Variants in PTBP3 observed in about 807,000 individuals in gnomAD.
PTBP3 encodes polypyrimidine tract-binding protein 3.
A neutral mutation model predicts 58.7 loss-of-function variants in PTBP3; 20 were observed. The ratio of observed to expected loss-of-function variants is 0.34; its 90% confidence interval spans 0.24 to 0.50. The LOEUF is 0.50. Ranked by LOEUF, PTBP3 falls within the 20% of genes least tolerant of loss-of-function variation. The pLI is 0.98. For synonymous variants in PTBP3, 185 were observed against 219.8 expected (o/e 0.84, Z 1.40); for missense variants, 509 against 637.2 (o/e 0.80, Z 2.17).
intron 7 of PTBP3, among the ~76,000 whole-genome samples, chr9:112,239,558 C>T (rs576085908): frequency 4.6e-5 from 7 of 151,754 alleles, no homozygotes; most frequent in African/African-American, 9.7e-5. Flanking sequence ...AGTGAGACCC[C>T]GCCTCTCTAT....
chr9:112,257,712 G>C (rs1836428570), intron 5 of PTBP3, among the ~76,000 whole-genome samples: 1 of 152,114 alleles, frequency 6.6e-6, no homozygotes, highest in Admixed American at 6.5e-5. Context: ...GGCCAAGGTG[G>C]GCAGATCACC....
chr9:112,373,943 T>C, the PTBP3 span, among the ~76,000 whole-genome samples: 2 of 152,222 alleles, frequency 1.3e-5, no homozygotes, highest in Admixed American at 1.3e-4. Context: ...CCATTCTGTA[T>C]TCCCTTTGCC....
chr9:112,240,895 A>G (rs1589811717), intron 7 of PTBP3, among the ~76,000 whole-genome samples: 1 of 152,056 alleles, frequency 6.6e-6, no homozygotes, highest in East Asian at 1.9e-4. Flanking sequence ...AGTTGAAAAA[A>G]GTTTAATAGA....
chr9:112,226,005 C>T (rs778530934), intron 12 of PTBP3, among the ~76,000 whole-genome samples: 6 of 152,110 alleles, frequency 3.9e-5, no homozygotes, highest in Non-Finnish European at 8.8e-5. Context: ...GATCACACCA[C>T]TGCACTACAG....
intron 4 of PTBP3, among the ~76,000 whole-genome samples, chr9:112,266,359 A>G (rs965269502): frequency 6.6e-6 from 1 of 152,258 alleles, no homozygotes; most frequent in South Asian, 2.1e-4. Flanking sequence ...AAAGTAAAAC[A>G]TAAGATATTA....
At chr9:112,288,067 T>C (rs1307085913) in intron 2 of PTBP3, among the ~76,000 whole-genome samples, 1 of 152,230 alleles carries the variant, frequency 6.6e-6, no homozygotes, top group Non-Finnish European at 1.5e-5. Context: ...TAGAAAAACA[T>C]AAGTTACTTT....
the PTBP3 span, among the ~76,000 whole-genome samples, chr9:112,359,409 G>A: frequency 6.6e-6 from 1 of 152,240 alleles, no homozygotes; most frequent in Non-Finnish European, 1.5e-5. Context: ...TCGCGCCACT[G>A]CACTCCAGCC....
intron 3 of PTBP3, among the ~76,000 whole-genome samples, chr9:112,270,825 G>A (rs1827352999): frequency 6.6e-6 from 1 of 152,046 alleles, no homozygotes; most frequent in South Asian, 2.1e-4. Flanking sequence ...TTTTGTATTT[G>A]TTTGTTTTTT....
chr9:112,245,920 T>C (rs1314791538), intron 7 of PTBP3, among the ~76,000 whole-genome samples: 1 of 152,102 alleles, frequency 6.6e-6, no homozygotes, highest in African/African-American at 2.4e-5. Flanking sequence ...AAAGTGATGA[T>C]AAGAAACCTC....
chr9:112,374,127 T>C, the PTBP3 span, among the ~76,000 whole-genome samples: 2 of 152,174 alleles, frequency 1.3e-5, no homozygotes, highest in Admixed American at 1.3e-4. Flanking sequence ...GGATCTCCTG[T>C]GAATACTGTG....
intron 6 of PTBP3, among the ~76,000 whole-genome samples, chr9:112,251,343 G>A (rs1209087719): frequency 6.6e-6 from 1 of 152,042 alleles, no homozygotes; most frequent in Non-Finnish European, 1.5e-5. Flanking sequence ...TCTTGTCTGT[G>A]GTAAGATCAA....
Position 112,232,202 on chromosome 9 carries a change from G to A in PTBP3, c.917C>T (p.Pro306Leu). ...GACAGCAGAAGAGGTGATTGTGAGA[G>A]GACCAAGAGCTCCAGGAACAGCTGG... is the stretch of plus-strand genomic sequence containing the variant. ...SVPAVPGALG[P>L]LTITSSAVTG... Residue 306 changes from proline (P) to leucine (L), a missense_variant, in exon 9 of 14, where the codon CCT becomes CTT. Physicochemically the swap from Pro to Leu is moderately conservative, Grantham distance 98 (BLOSUM62 -3). Around this residue, in one of 4 missense-constraint regions of PTBP3, gnomAD observed 121 missense variants for 114.8 expected, o/e 1.05. Transcript: ENST00000374257. The A allele has an allele frequency of 6.2e-7, 1 of 1,611,256 alleles. No individual in the cohort carries two copies. The highest frequency in any genetic ancestry group is 1.7e-5 in the Admixed American group (1 of 59,924).
Position 112,251,123 on chromosome 9 carries a change from G to T in PTBP3, c.628-20C>A. 1 of 1,526,102 alleles carries T rather than the reference G, an allele frequency of 6.6e-7. No homozygotes were observed. Among genetic ancestry groups the T allele is most frequent in the South Asian group, 1.3e-5 (1 of 76,442 alleles). The allele number at this position is 1,526,102 out of a possible 1,614,324, so 94.5% of individuals were successfully genotyped here. On this transcript the variant is annotated intron_variant, in intron 6 of 13. Transcript: ENST00000374257. ...CAGAGCCTAAAGCATGTAAGAAAGG[G>T]ACTGGTTTTGGCAAGACAACAACAC...
At chr9:112,243,131 T>TAAAA (rs34908344) in intron 7 of PTBP3, among the ~76,000 whole-genome samples, 49 of 140,562 alleles carry the variant, frequency 3.5e-4, no homozygotes, top group East Asian at 1.0e-3. Context: ...TCTTACAGCT[T>TAAAA]AAAAAAAAAA....
chr9:112,320,314 A>ATAT, intron 1 of PTBP3, among the ~76,000 whole-genome samples: 3 of 75,694 alleles, frequency 4.0e-5, no homozygotes, highest in East Asian at 6.2e-4. Flanking sequence ...ATATATATAT[A>ATAT]TTTTTTTTTA....
intron 2 of PTBP3, among the ~76,000 whole-genome samples, chr9:112,296,351 C>T (rs1307228245): frequency 6.6e-6 from 1 of 151,866 alleles, no homozygotes; most frequent in Non-Finnish European, 1.5e-5. Context: ...ATCCTGTATG[C>T]TTTAACGCTT....
chr9:112,245,925 A>C (rs1425171392), intron 7 of PTBP3, among the ~76,000 whole-genome samples: 1 of 152,184 alleles, frequency 6.6e-6, no homozygotes, highest in African/African-American at 2.4e-5. Flanking sequence ...GATGATAAGA[A>C]ACCTCATCCT....
intron 4 of PTBP3, among the ~76,000 whole-genome samples, chr9:112,264,465 A>ATT (rs1836718980): frequency 6.6e-6 from 1 of 152,228 alleles, no homozygotes; most frequent in South Asian, 2.1e-4. Flanking sequence ...AACACTTAAT[A>ATT]TTCACCTGAC....
intron 1 of PTBP3, among the ~76,000 whole-genome samples, chr9:112,329,326 T>G (rs888906530): frequency 6.6e-6 from 1 of 151,838 alleles, no homozygotes; most frequent in Non-Finnish European, 1.5e-5. Context: ...GGCAGAAGAA[T>G]CACTTGAACC....
Sources: gnomAD v4.1 joint callset for allele counts (sites outside exome capture counted in the v4.1 genomes callset) on GRCh38, gnomAD v4.1.1 for gene constraint, gnomAD v4.1.1 regional missense constraint, MANE v1.5 for transcripts, NCBI Gene and HGNC (gene_info 2026-07-23, HGNC 2026-07-21) for gene names.